The following CTNND2 variants were observed in gnomAD, a reference collection of about 807,000 sequenced individuals.
The protein encoded by CTNND2 is catenin delta-2.
Under a neutral mutation model 144.4 loss-of-function variants are expected in CTNND2, and 22 were observed. The ratio of observed to expected loss-of-function variants is 0.15; its 90% CI spans 0.11 to 0.22. CTNND2 has a LOEUF of 0.22. Ranked by LOEUF, CTNND2 falls within the 10% of genes least tolerant of loss-of-function variation. The pLI, the probability that CTNND2 is intolerant of heterozygous loss-of-function variation, is 1.00. For missense variants in CTNND2, 1,353 were observed against 1,618.8 expected (o/e 0.84, Z 2.82); for synonymous variants, 751 against 695.6 (o/e 1.08, Z -1.25).
intron 2 of CTNND2, among the ~76,000 whole-genome samples, chr5:11,707,320 G>A (rs1259225543): frequency 6.6e-6 from 1 of 152,146 alleles, no homozygotes; most frequent in African/African-American, 2.4e-5. Context: ...AACAGAGCCG[G>A]TCTGCCAGTC....
chr5:11,162,082 G>T (rs1054543111), intron 11 of CTNND2, among the ~76,000 whole-genome samples: 2 of 122,260 alleles, frequency 1.6e-5, no homozygotes, highest in African/African-American at 3.2e-5. Flanking sequence ...CCTGGGAGTG[G>T]GGGGGGGTTG....
chr5:11,482,924 G>C (rs542098034), intron 3 of CTNND2, among the ~76,000 whole-genome samples: 1 of 152,186 alleles, frequency 6.6e-6, no homozygotes, highest in African/African-American at 2.4e-5. Flanking sequence ...GCAAAGGGGA[G>C]GAGAAAGAAG....
chr5:11,398,291 T>C (rs1195262368), intron 5 of CTNND2, among the ~76,000 whole-genome samples: 4 of 152,214 alleles, frequency 2.6e-5, no homozygotes, highest in African/African-American at 4.8e-5. Context: ...AATTTCAAGT[T>C]CCTTATTTTT....
intron 8 of CTNND2, among the ~76,000 whole-genome samples, chr5:11,355,426 A>G (rs1283339417): frequency 6.6e-6 from 1 of 152,172 alleles, no homozygotes; most frequent in East Asian, 1.9e-4. Flanking sequence ...AATCATTTCA[A>G]TAGATTCTGC....
At chr5:11,743,368 T>C (rs1326125950) in intron 1 of CTNND2, among the ~76,000 whole-genome samples, 1 of 152,160 alleles carries the variant, frequency 6.6e-6, no homozygotes, top group Non-Finnish European at 1.5e-5. Flanking sequence ...AAAGCAGAAA[T>C]AGGATTCAGA....
intron 14 of CTNND2, among the ~76,000 whole-genome samples, chr5:11,103,630 A>G (rs1487498939): frequency 6.6e-6 from 1 of 152,038 alleles, no homozygotes; most frequent in Non-Finnish European, 1.5e-5. Flanking sequence ...AGATGGCGCC[A>G]TTGCACTCCA....
intron 1 of CTNND2, among the ~76,000 whole-genome samples, chr5:11,858,548 T>C (rs751612772): frequency 5.3e-5 from 8 of 152,254 alleles, no homozygotes; most frequent in Non-Finnish European, 8.8e-5. Flanking sequence ...TATTGATATA[T>C]GTATCATGGA....
At chr5:11,503,157 T>C (rs1037024172) in intron 3 of CTNND2, among the ~76,000 whole-genome samples, 1 of 152,216 alleles carries the variant, frequency 6.6e-6, no homozygotes, top group Non-Finnish European at 1.5e-5. Flanking sequence ...TCAGATTGCA[T>C]CTATCCCCTT....
rs749602086 is a variant in CTNND2 at position 11,866,656 on chromosome 5, G to A, written c.37+37161C>T. 3.3e-5 allele frequency among the ~76,000 whole-genome samples: 5 copies of A among 152,286 alleles called. No homozygotes were observed. In the East Asian group the frequency reaches 5.8e-4, roughly 18 times the overall value. On this transcript the variant is annotated intron_variant, in intron 1 of 21. Transcript: ENST00000304623. ...ACATCCTACGTGCTAAATGTTTTTC[G>A]TGGATCTCCTACTGCATTTTTCCTA...
At chr5:11,714,302 ATGACAATT>A (rs1786217244) in intron 2 of CTNND2, among the ~76,000 whole-genome samples, 1 of 152,116 alleles carries the variant, frequency 6.6e-6, no homozygotes, top group Non-Finnish European at 1.5e-5. Context: ...CCTAGGGATA[ATGACAATT>A]TTTTTTTATG....
At chr5:11,356,976 T>G (rs1277085208) in intron 8 of CTNND2, among the ~76,000 whole-genome samples, 1 of 151,944 alleles carries the variant, frequency 6.6e-6, no homozygotes, top group Non-Finnish European at 1.5e-5. Flanking sequence ...AAAACCACAG[T>G]GAGATACTAC....
chr5:11,081,794 C>G (rs1043678163), intron 16 of CTNND2, among the ~76,000 whole-genome samples: 2 of 152,172 alleles, frequency 1.3e-5, no homozygotes, highest in Non-Finnish European at 1.5e-5. Context: ...AATCCATAGA[C>G]AGAGAGCAGA....
At chr5:11,596,210 C>T (rs190193105) in intron 2 of CTNND2, among the ~76,000 whole-genome samples, 1 of 152,292 alleles carries the variant, frequency 6.6e-6, no homozygotes, top group Admixed American at 6.5e-5. Flanking sequence ...AATAACTCGA[C>T]TTGTTTGACT....
rs538590067 is a variant in CTNND2, at chr5:11,901,870, A to G, written c.37+1947T>C. ...GTTTAAGAATGAAACACTAGGCTCA[A>G]AAGGAAAAAAGAAAAGGAAACGAGA... is the stretch of plus-strand genomic sequence containing the variant. On this transcript the variant is annotated intron_variant, in intron 1 of 21. Transcript: ENST00000304623. Among the ~76,000 whole-genome samples, 5 of 152,346 alleles carry G rather than the reference A, an allele frequency of 3.3e-5. No individual in the cohort carries two copies. The East Asian group carries it at 9.6e-4, about 29-fold the overall frequency.
chr5:11,294,423 G>C (rs1040188272), intron 9 of CTNND2, among the ~76,000 whole-genome samples: 1 of 152,062 alleles, frequency 6.6e-6, no homozygotes, highest in South Asian at 2.1e-4. Flanking sequence ...TTGGGTATTT[G>C]CAAGTGTTTT....
intron 7 of CTNND2, among the ~76,000 whole-genome samples, chr5:11,379,575 T>C (rs1758275386): frequency 6.6e-6 from 1 of 151,820 alleles, no homozygotes; most frequent in Admixed American, 6.5e-5. Flanking sequence ...AAAAAAAAAC[T>C]AAACAAACTT....
At chr5:11,310,631 C>T (rs940354988) in intron 9 of CTNND2, among the ~76,000 whole-genome samples, 15 of 151,832 alleles carry the variant, frequency 9.9e-5, no homozygotes, top group African/African-American at 2.2e-4. Context: ...GGAAACACCC[C>T]GAGGACCCGG....
intron 2 of CTNND2, among the ~76,000 whole-genome samples, chr5:11,700,635 C>T (rs897366971): frequency 2.6e-5 from 4 of 152,232 alleles, no homozygotes; most frequent in South Asian, 4.1e-4. Context: ...GGGCTGCCAT[C>T]CTTTTGTCTG....
intron 2 of CTNND2, among the ~76,000 whole-genome samples, chr5:11,583,107 T>C (rs779799091): frequency 1.3e-5 from 2 of 152,232 alleles, no homozygotes; most frequent in African/African-American, 2.4e-5. Flanking sequence ...TTGACAGGGA[T>C]AGACTCACTT....
Sources: allele counts gnomAD v4.1 joint callset (sites outside exome capture counted in the v4.1 genomes callset), GRCh38; gene constraint gnomAD v4.1.1; transcripts MANE v1.5; gene names NCBI Gene and HGNC (gene_info 2026-07-23, HGNC 2026-07-21).